INSR: variants seen among roughly 807,000 people sequenced by gnomAD.
INSR encodes the protein insulin receptor, also known as IR.
Under a neutral mutation model 142.6 loss-of-function variants are expected in INSR, and 67 were observed. That is an observed-to-expected ratio of 0.47 (90% CI 0.39 to 0.58). The LOEUF is 0.58. INSR is among the 20% of genes least tolerant of loss of function. The pLI is 0.00. For missense variants in INSR, 1,248 were observed against 1,833.2 expected, an observed-to-expected ratio of 0.68 and a Z score of 5.83; for synonymous variants, 756 against 743.1, an observed-to-expected ratio of 1.02 and a Z score of -0.28.
At chr19:7,269,355 T>C (rs1332961903) in intron 1 of INSR, among the ~76,000 whole-genome samples, 1 of 141,562 alleles carries the variant, frequency 7.1e-6, no homozygotes, top group African/African-American at 2.6e-5. Context: ...ATGCAGCAAA[T>C]GGATTAGGCT....
At position 7,119,712 on chromosome 19, in the gene INSR, A is replaced by C; in HGVS notation, c.3660-129T>G. ...CACATGCCAACACATACATGCAAAC[A>C]CACACATGCAAACACACACGCACAT... is the stretch of plus-strand genomic sequence containing the variant. On this transcript the variant is annotated intron_variant, in intron 20 of 21. Coordinates refer to ENST00000302850, the MANE Select transcript of INSR (RefSeq NM_000208.4). This position sits in a 1 kb window ranked among gnomAD's most constrained non-coding sequence, Gnocchi z 5.2. 2.9e-6 allele frequency: 3 copies of C among 1,036,666 alleles called. No homozygotes were observed. Among genetic ancestry groups the C allele is most frequent in the Non-Finnish European group, 4.4e-6 (3 of 681,654 alleles). The allele number at this position is 1,036,666 out of a possible 1,614,324, so 64.2% of individuals were successfully genotyped here. A position where few individuals can be genotyped will look rare whatever the true frequency, so the allele number is the denominator to read the frequency against.
rs115475216 is a variant in INSR at position 7,199,263 on chromosome 19, A to G, written c.653-14626T>C. ...TATTCAAGCAATCATCACCATTAGAATTGGAGAAACCGAGGCATAGAGGGG... is the reference window on the plus strand; with the variant it reads ...TATTCAAGCAATCATCACCATTAGAGTTGGAGAAACCGAGGCATAGAGGGG... On this transcript the variant is annotated intron_variant, in intron 2 of 21. Coordinates refer to ENST00000302850, the MANE Select transcript of INSR (RefSeq NM_000208.4). Among the ~76,000 whole-genome samples, 1,081 of 152,268 alleles carry G rather than the reference A, an allele frequency of 7.1e-3. 14 individuals carry two copies. The highest frequency in any genetic ancestry group is 0.024 in the African/African-American group (987 of 41,550).
intron 1 of INSR, among the ~76,000 whole-genome samples, chr19:7,288,951 A>G (rs1347954457): frequency 5.1e-4 from 21 of 41,320 alleles, no homozygotes; most frequent in Admixed American, 7.3e-4. Context: ...TGAAGAAGTG[A>G]AAAAAAAAAA....
intron 2 of INSR, among the ~76,000 whole-genome samples, chr19:7,236,300 C>T (rs1244998516): frequency 6.6e-6 from 1 of 152,098 alleles, no homozygotes; most frequent in African/African-American, 2.4e-5. Context: ...CACAACTCAT[C>T]CATTCTGCTC....
intron 16 of INSR, among the ~76,000 whole-genome samples, chr19:7,126,368 T>C (rs1477894906): frequency 6.6e-6 from 1 of 152,226 alleles, no homozygotes; most frequent in East Asian, 1.9e-4. Flanking sequence ...CCAGACCGGC[T>C]AGATGAGCCC....
rs549269289 is a variant in INSR, at chr19:7,291,445, G to C, written c.100+2347C>G. On this transcript the variant is annotated intron_variant, in intron 1 of 21. Transcript: ENST00000302850. Reference sequence around the variant, plus strand: ...TGAGAGCTTGCTCTTCTAATTCTTAGGAAGGTATTATGCAGAGAATAAGGA... The same window carrying C: ...TGAGAGCTTGCTCTTCTAATTCTTACGAAGGTATTATGCAGAGAATAAGGA... 3.3e-5 allele frequency among the ~76,000 whole-genome samples: 5 copies of C among 152,288 alleles called. No individual in the cohort carries two copies. The South Asian group carries it at 1.0e-3, about 32-fold the overall frequency.
At chr19:7,186,507 T>C (rs183819290) in intron 2 of INSR, among the ~76,000 whole-genome samples, 1 of 152,218 alleles carries the variant, frequency 6.6e-6, no homozygotes, top group East Asian at 1.9e-4. Flanking sequence ...AGCATAAAAT[T>C]CACCATTGTA....
At chr19:7,284,480 C>T (rs1421335505) in intron 1 of INSR, among the ~76,000 whole-genome samples, 1 of 152,038 alleles carries the variant, frequency 6.6e-6, no homozygotes, top group African/African-American at 2.4e-5. Flanking sequence ...ACTGAAAGCA[C>T]AAAAATGCTA....
At chr19:7,191,890 G>GA (rs1555748440) in intron 2 of INSR, among the ~76,000 whole-genome samples, 6 of 144,058 alleles carry the variant, frequency 4.2e-5, no homozygotes, top group South Asian at 4.4e-4. Context: ...AAGGAGGAAG[G>GA]GAGAGAGAGA....
chr19:7,277,605 C>T (rs927998348), intron 1 of INSR, among the ~76,000 whole-genome samples: 1 of 152,038 alleles, frequency 6.6e-6, no homozygotes, highest in Non-Finnish European at 1.5e-5. Flanking sequence ...CAAGACCAGC[C>T]TGGGCAACTG....
At chr19:7,197,916 A>T (rs1159992337) in intron 2 of INSR, among the ~76,000 whole-genome samples, 20 of 71,346 alleles carry the variant, frequency 2.8e-4, no homozygotes, top group Non-Finnish European at 4.5e-4. Context: ...TTCCAGAGTG[A>T]GAGTGTGTGT....
At chr19:7,252,388 A>C (rs1306313656) in intron 2 of INSR, among the ~76,000 whole-genome samples, 1 of 152,074 alleles carries the variant, frequency 6.6e-6, no homozygotes, top group Non-Finnish European at 1.5e-5. Context: ...CCTGGGTGAC[A>C]GAGCAAGACT....
chr19:7,185,858 A>AG (rs1555747113), intron 2 of INSR, among the ~76,000 whole-genome samples: 2 of 134,026 alleles, frequency 1.5e-5, no homozygotes, highest in Admixed American at 1.5e-4. Flanking sequence ...AAAAAAAAAA[A>AG]AGAGAGAGAG....
At chr19:7,243,158 A>G (rs1976413322) in intron 2 of INSR, among the ~76,000 whole-genome samples, 1 of 151,978 alleles carries the variant, frequency 6.6e-6, no homozygotes, top group African/African-American at 2.4e-5. Flanking sequence ...GCCCTACAAA[A>G]ATAAAGATGA....
intron 13 of INSR, among the ~76,000 whole-genome samples, chr19:7,135,512 G>GAA (rs571508012): frequency 2.4e-5 from 3 of 125,734 alleles, no homozygotes; most frequent in Non-Finnish European, 5.1e-5. Flanking sequence ...GACTCTGTTT[G>GAA]AAAAAAAAAA....
chr19:7,284,334 G>A (rs772017702), intron 1 of INSR, among the ~76,000 whole-genome samples: 16 of 152,228 alleles, frequency 1.1e-4, no homozygotes, highest in Non-Finnish European at 2.2e-4. Context: ...AAAGTGCTGG[G>A]ATTGCAGATG....
chr19:7,151,174 T>C (rs752495491), intron 10 of INSR, among the ~76,000 whole-genome samples: 2 of 9,984 alleles, frequency 2.0e-4, no homozygotes, highest in Non-Finnish European at 1.3e-3. Context: ...CTTTCTTTCT[T>C]TCTTTCTTTC....
chr19:7,198,755 G>A (rs1974865067), intron 2 of INSR, among the ~76,000 whole-genome samples: 1 of 152,182 alleles, frequency 6.6e-6, no homozygotes, highest in African/African-American at 2.4e-5. Flanking sequence ...AAAATCCACA[G>A]GCTACGTTTT....
chr19:7,163,933 A>AAAG (rs1347537153), intron 8 of INSR, among the ~76,000 whole-genome samples: 1 of 143,540 alleles, frequency 7.0e-6, no homozygotes, highest in Non-Finnish European at 1.5e-5. Flanking sequence ...ACTAAAAAAA[A>AAAG]AAAAAAAAAA....
Sources: allele counts gnomAD v4.1 joint callset (sites outside exome capture counted in the v4.1 genomes callset), GRCh38; gene constraint gnomAD v4.1.1; non-coding constraint Gnocchi (gnomAD v3.1); transcripts MANE v1.5; gene names NCBI Gene and HGNC (gene_info 2026-07-23, HGNC 2026-07-21).